The following TTLL10 variants were observed in gnomAD, a reference collection of about 807,000 sequenced individuals.
TTLL10 encodes the protein inactive polyglycylase TTLL10.
A neutral mutation model predicts 69.0 loss-of-function variants in TTLL10; 61 were observed. The ratio of observed to expected loss-of-function variants is 0.88; its 90% CI spans 0.72 to 1.09. The LOEUF is 1.09. Among genes scored for constraint, TTLL10 ranks in the 50% least tolerant of loss-of-function variants. TTLL10 has a pLI of 0.00. For synonymous variants in TTLL10, 408 were observed against 393.3 expected (o/e 1.04, Z -0.44); for missense variants, 962 against 945.9 (o/e 1.02, Z -0.22).
At chr1:1,176,740 T>TCCACGGTGACCCTGCTGTGCGGCA (rs1472860573) in intron 3 of TTLL10, among the ~76,000 whole-genome samples, 6 of 152,192 alleles carry the variant, frequency 3.9e-5, no homozygotes, top group African/African-American at 7.2e-5. Flanking sequence ...CGCCTGGGGC[T>TCCACGGTGACCCTGCTGTGCGGCA]CCACGGTGAC....
chr1:1,177,128 A>G (rs1298934995), intron 3 of TTLL10, among the ~76,000 whole-genome samples: 5 of 143,456 alleles, frequency 3.5e-5, no homozygotes, highest in African/African-American at 1.1e-4. Flanking sequence ...GTCTGTGTGT[A>G]GGTGTCTGTA....
In TTLL10 at chr1:1,190,026, C is replaced by G. The variant is rs113993008; in HGVS notation, c.1401+4917C>G. Among the ~76,000 whole-genome samples, 625 of 151,230 alleles carry G rather than the reference C, an allele frequency of 4.1e-3. 5 individuals are homozygous for G. The highest frequency in any genetic ancestry group is 0.017 in the Middle Eastern group (5 of 294). ...ACTCGGGAGGCTGAGGCAGGAGAAT[C>G]GCGTGAACCCGGGAGGCGGAGCTTG... is the stretch of plus-strand genomic sequence containing the variant. On this transcript the variant is annotated intron_variant, in intron 13 of 15. Coordinates refer to ENST00000379289, the MANE Select transcript of TTLL10 (RefSeq NM_001130045.2).
Position 1,197,919 on chromosome 1 carries a change from A to G in TTLL10, c.*72A>G. 1 of 1,362,620 alleles carries G rather than the reference A, an allele frequency of 7.3e-7. No homozygotes were observed. Among genetic ancestry groups the G allele is most frequent in the Non-Finnish European group, 9.4e-7 (1 of 1,059,458 alleles). 84.4% of individuals were successfully genotyped at this position (1,362,620 alleles called of 1,614,324 possible). A position where few individuals can be genotyped will look rare whatever the true frequency, so the allele number is the denominator to read the frequency against. On this transcript the variant is annotated 3_prime_UTR_variant, in exon 16 of 16. Transcript: ENST00000379289. ...GCTGCCTGCCCTCAGGGACCTATAA[A>G]GCCCACTTTGCTACAAACACAGTCT...
At chr1:1,195,500 C>CTTTTTTTTTTTTTTTTTTTTTTTT (rs1168016636) in intron 13 of TTLL10, among the ~76,000 whole-genome samples, 44 of 98,764 alleles carry the variant, frequency 4.5e-4, no homozygotes, top group South Asian at 1.6e-3. Flanking sequence ...CATCGTCATA[C>CTTTTTTTTTTTTTTTTTTTTTTTT]TTTTTTTTTT....
intron 14 of TTLL10, 38 bp from the exon 15 acceptor site, chr1:1,197,055 G>A (rs1648271238): frequency 6.5e-7 from 1 of 1,544,122 alleles, no homozygotes; most frequent in South Asian, 1.2e-5. Flanking sequence ...GGCCCAGTGG[G>A]CTCGGGGTGA....
rs563459954 is a variant in TTLL10 at position 1,185,260 on chromosome 1, C to T, written c.1401+151C>T. ...ACCGTGTGGAACCAAACCCTTCCAG[C>T]GTCTCTGCTCACTTAGCTGGCAGTG... is the stretch of plus-strand genomic sequence containing the variant. On this transcript the variant is annotated intron_variant, in intron 13 of 15. Transcript: ENST00000379289. The surrounding 1 kb of genome is among the most constrained non-coding windows in gnomAD (Gnocchi z 6.1). The T allele has an allele frequency of 8.1e-5, 116 of 1,430,240 alleles. 1 individual carries two copies. The South Asian group carries it at 1.6e-3, about 19-fold the overall frequency. 88.6% of individuals were successfully genotyped at this position (1,430,240 alleles called of 1,614,324 possible). A position where few individuals can be genotyped will look rare whatever the true frequency, so the allele number is the denominator to read the frequency against.
At position 1,182,377 on chromosome 1, in the gene TTLL10, G is replaced by A. The variant is rs1377015384; in HGVS notation, c.847G>A (p.Glu283Lys). 8.7e-6 allele frequency: 14 copies of A among 1,613,828 alleles called. No individual in the cohort carries two copies. In the Admixed American group the frequency reaches 1.8e-4, roughly 21 times the overall value. The change falls in exon 10 of 16, where the codon GAG becomes AAG. Residue 283 changes from glutamate to lysine, a missense_variant. Glu to Lys is a moderately conservative substitution (Grantham distance 56). Transcript: ENST00000379289. ...GCCCTGCAGGGTCCTGAGAATGGAA[G>A]AGTTTTTCCCAGAGACCTACCGCCT... Reference protein sequence around the residue: ...LRPQRVLRMEEFFPETYRLDL... With the variant: ...LRPQRVLRMEKFFPETYRLDL...
Position 1,181,809 on chromosome 1 carries a change from C to T in TTLL10, c.824C>T (p.Pro275Leu). The T allele has an allele frequency of 6.2e-7, 1 of 1,606,846 alleles. No individual in the cohort carries two copies. Among genetic ancestry groups the T allele is most frequent in the South Asian group, 1.1e-5 (1 of 89,272 alleles). Reference protein sequence around the residue: ...LPWTSPGYLRPQRVLRMEEFF... With the variant: ...LPWTSPGYLRLQRVLRMEEFF... Reference sequence around the variant, plus strand: ...TGGACAAGCCCAGGATACCTCAGGCCACAGAGGTAGACTCAGCCCAGCTGT... The same window carrying T: ...TGGACAAGCCCAGGATACCTCAGGCTACAGAGGTAGACTCAGCCCAGCTGT... The change falls in exon 9 of 16, where the codon CCA becomes CTA. Residue 275 changes from proline (P) to leucine (L), a missense_variant. Coordinates refer to ENST00000379289, the MANE Select transcript of TTLL10 (RefSeq NM_001130045.2). This position sits in a 1 kb window ranked among gnomAD's most constrained non-coding sequence, Gnocchi z 4.6.
chr1:1,180,886 C>A (rs368714026), intron 8 of TTLL10, 26 bp downstream of exon 8: 243 of 1,533,782 alleles, frequency 1.6e-4, no homozygotes, highest in Middle Eastern at 5.8e-4. Flanking sequence ...CCCCTGCCCC[C>A]GTCCCTGCGC....
intron 5 of TTLL10, 36 bp downstream of exon 5, chr1:1,179,773 T>G: frequency 6.6e-7 from 1 of 1,514,888 alleles, no homozygotes; most frequent in Non-Finnish European, 8.8e-7. Context: ...CCCTGCCCCC[T>G]GCTCCAAGCT....
At chr1:1,183,880 C>G in intron 11 of TTLL10, 40 bp from the exon 12 acceptor site, 1 of 1,612,026 alleles carries the variant, frequency 6.2e-7, no homozygotes, top group Non-Finnish European at 8.5e-7. Flanking sequence ...CCAGGCTGGC[C>G]CCGTGGCTCA....
In TTLL10 at chr1:1,185,337, T is replaced by A. The variant is rs1647238382; in HGVS notation, c.1401+228T>A. On this transcript the variant is annotated intron_variant, in intron 13 of 15. Coordinates refer to ENST00000379289, the MANE Select transcript of TTLL10 (RefSeq NM_001130045.2). The surrounding 1 kb of genome is among the most constrained non-coding windows in gnomAD (Gnocchi z 6.1). ...CGGACGGAAAGCCCAGTCGGGGGTCTGTCGGCACGAGTCCCGCGGGCAGCC... is the reference window on the plus strand; with the variant it reads ...CGGACGGAAAGCCCAGTCGGGGGTCAGTCGGCACGAGTCCCGCGGGCAGCC... 4 of 1,374,364 alleles carry A rather than the reference T, an allele frequency of 2.9e-6. No homozygotes were observed. The South Asian group carries it at 7.2e-5, about 25-fold the overall frequency. The allele number at this position is 1,374,364 out of a possible 1,614,324, so 85.1% of individuals were successfully genotyped here.
At chr1:1,183,519 T>G (rs1210765818) in intron 11 of TTLL10, among the ~76,000 whole-genome samples, 1 of 152,138 alleles carries the variant, frequency 6.6e-6, no homozygotes, top group Non-Finnish European at 1.5e-5. Flanking sequence ...ACAGCTGCCG[T>G]CTGCCGTCCC....
At chr1:1,183,515 G>A (rs1647144417) in intron 11 of TTLL10, among the ~76,000 whole-genome samples, 2 of 152,286 alleles carry the variant, frequency 1.3e-5, no homozygotes, top group African/African-American at 4.8e-5. Context: ...GACCACAGCT[G>A]CCGTCTGCCG....
chr1:1,190,111 CAAA>C (rs941009566), intron 13 of TTLL10, among the ~76,000 whole-genome samples: 11 of 74,226 alleles, frequency 1.5e-4, no homozygotes, highest in Admixed American at 1.5e-4. Context: ...GACCCCGTCT[CAAA>C]AAAAAAAAAA....
At position 1,180,281 on chromosome 1, in the gene TTLL10, G is replaced by T. The variant is rs368517224; in HGVS notation, c.447G>T (p.Ser149=). 3.8e-6 allele frequency: 6 copies of T among 1,595,390 alleles called. No homozygotes were observed. Among genetic ancestry groups the T allele is most frequent in the Non-Finnish European group, 5.1e-6 (6 of 1,172,228 alleles). The change falls in exon 6 of 16, where the codon TCG becomes TCT. Residue 149 remains serine (S), a synonymous_variant. Transcript: ENST00000379289. The part of the protein sequence containing the change: ...EGLLLGGGKP[S]PHSTRPGPFF... ...TCCTGCTGGGGGGTGGGAAGCCATC[G>T]CCCCACAGCACCCGGCCGGGGCCCT... is the stretch of plus-strand genomic sequence containing the variant.
chr1:1,180,638 G>A, intron 7 of TTLL10, 37 bp downstream of exon 7: 1 of 1,552,858 alleles, frequency 6.4e-7, no homozygotes, highest in Non-Finnish European at 8.7e-7. Flanking sequence ...GCAGCCTGCA[G>A]GGGCCTCCTG....
At chr1:1,194,516 G>A (rs1270060550) in intron 13 of TTLL10, among the ~76,000 whole-genome samples, 5 of 152,166 alleles carry the variant, frequency 3.3e-5, no homozygotes, top group Non-Finnish European at 7.3e-5. Context: ...AGGACGGTAG[G>A]GCGGGTCTAC....
rs564478078 is a variant in TTLL10, at chr1:1,180,518, G to T, written c.542G>T (p.Arg181Leu). ...TACTGCAAAAGCAAGGGCTGGCAGC[G>T]CATCCATGACAGCCGCCGGGACGAC... ...SSYCKSKGWQ[R>L]IHDSRRDDYT... The change falls in exon 7 of 16, where the codon CGC (arginine) becomes CTC (leucine). Residue 181 changes from arginine to leucine, a missense_variant. Transcript: ENST00000379289. The T allele has an allele frequency of 6.4e-7, 1 of 1,552,414 alleles. No homozygotes were observed.
Sources: allele counts gnomAD v4.1 joint callset (sites outside exome capture counted in the v4.1 genomes callset), GRCh38; gene constraint gnomAD v4.1.1; non-coding constraint Gnocchi (gnomAD v3.1); transcripts MANE v1.5; gene names NCBI Gene and HGNC (gene_info 2026-07-23, HGNC 2026-07-21).